The following PAPSS1 variants were observed in gnomAD, a reference collection of about 807,000 sequenced individuals.
PAPSS1 encodes bifunctional 3'-phosphoadenosine 5'-phosphosulfate synthase 1.
A neutral mutation model predicts 72.0 loss-of-function variants in PAPSS1; 50 were observed. The ratio of observed to expected loss-of-function variants is 0.69; its 90% CI spans 0.55 to 0.88. PAPSS1 has a LOEUF of 0.88. PAPSS1 is among the 40% of genes least tolerant of loss of function. PAPSS1 has a pLI of 0.00. For synonymous variants in PAPSS1, 261 were observed against 263.6 expected (o/e 0.99, Z 0.09); for missense variants, 657 against 782.2 (o/e 0.84, Z 1.91).
At chr4:107,656,625 A>G (rs1287641252) in intron 7 of PAPSS1, among the ~76,000 whole-genome samples, 2 of 152,180 alleles carry the variant, frequency 1.3e-5, no homozygotes, top group African/African-American at 4.8e-5. Flanking sequence ...AACAGCACAG[A>G]ATAACTGTAT....
At chr4:107,694,125 G>A in intron 2 of PAPSS1, 119 bp from the exon 3 acceptor site, 1 of 692,256 alleles carries the variant, frequency 1.4e-6, no homozygotes, top group South Asian at 1.9e-5. Context: ...GGAGTGCAGA[G>A]GCTGCATAGC....
chr4:107,655,323 A>G (rs1340993153), intron 7 of PAPSS1, among the ~76,000 whole-genome samples: 1 of 152,194 alleles, frequency 6.6e-6, no homozygotes, highest in Non-Finnish European at 1.5e-5. Context: ...ATCCTTGTTG[A>G]TAACAGGATG....
intron 1 of PAPSS1, among the ~76,000 whole-genome samples, chr4:107,710,244 A>G (rs1325424608): frequency 6.6e-6 from 1 of 152,052 alleles, no homozygotes; most frequent in Admixed American, 6.5e-5. Context: ...TCTGTGCCCT[A>G]GTTTCCATAC....
chr4:107,668,276 T>G (rs1490294827), intron 5 of PAPSS1, among the ~76,000 whole-genome samples: 1 of 152,196 alleles, frequency 6.6e-6, no homozygotes, highest in Non-Finnish European at 1.5e-5. Flanking sequence ...TTATAAATAC[T>G]TCTCAATTTC....
intron 7 of PAPSS1, among the ~76,000 whole-genome samples, chr4:107,656,622 C>G (rs1237601780): frequency 6.6e-6 from 1 of 152,142 alleles, no homozygotes; most frequent in Non-Finnish European, 1.5e-5. Flanking sequence ...AAAAACAGCA[C>G]AGAATAACTG....
At chr4:107,655,105 T>TAAAAAAAAAAAAAAA (rs61591737) in intron 7 of PAPSS1, among the ~76,000 whole-genome samples, 1 of 117,728 alleles carries the variant, frequency 8.5e-6, no homozygotes, top group Non-Finnish European at 1.8e-5. Flanking sequence ...TCTCCCAAGT[T>TAAAAAAAAAAAAAAA]AAAAAAAAAA....
intron 1 of PAPSS1, among the ~76,000 whole-genome samples, chr4:107,703,314 A>G (rs1423600297): frequency 6.6e-6 from 1 of 150,734 alleles, no homozygotes; most frequent in Non-Finnish European, 1.5e-5. Flanking sequence ...TTGTCTCTTC[A>G]CTCTGTTGAT....
At chr4:107,710,387 A>T (rs773907892) in intron 1 of PAPSS1, among the ~76,000 whole-genome samples, 7 of 152,134 alleles carry the variant, frequency 4.6e-5, no homozygotes, top group Non-Finnish European at 8.8e-5. Context: ...TTTACTGCCC[A>T]TATCATTCTT....
At chr4:107,644,529 A>G (rs1174765290) in intron 10 of PAPSS1, among the ~76,000 whole-genome samples, 1 of 152,118 alleles carries the variant, frequency 6.6e-6, no homozygotes, top group Non-Finnish European at 1.5e-5. Context: ...TACCTTCCCA[A>G]CCACACCCAG....
chr4:107,617,207 CTTT>C (rs111248344), intron 11 of PAPSS1, among the ~76,000 whole-genome samples: 10 of 132,754 alleles, frequency 7.5e-5, no homozygotes, highest in Non-Finnish European at 1.5e-4. Flanking sequence ...GAGTCTTCGG[CTTT>C]TTTTTTTTTT....
intron 5 of PAPSS1, among the ~76,000 whole-genome samples, chr4:107,679,767 C>A (rs1428962614): frequency 7.1e-6 from 1 of 141,588 alleles, no homozygotes; most frequent in Non-Finnish European, 1.5e-5. Context: ...CAACTTCCAC[C>A]CCCCCAGATT....
chr4:107,686,259 C>A (rs1474659085), intron 4 of PAPSS1, among the ~76,000 whole-genome samples: 4 of 152,130 alleles, frequency 2.6e-5, no homozygotes, highest in East Asian at 3.8e-4. Flanking sequence ...CCTGTGAACA[C>A]CAAAATGTGA....
At chr4:107,704,106 A>C (rs537294185) in intron 1 of PAPSS1, among the ~76,000 whole-genome samples, 2 of 152,258 alleles carry the variant, frequency 1.3e-5, no homozygotes, top group African/African-American at 4.8e-5. Flanking sequence ...TTCTGGTAGC[A>C]ACTATAAATG....
chr4:107,673,428 A>G (rs1009309373), intron 5 of PAPSS1, among the ~76,000 whole-genome samples: 1 of 152,168 alleles, frequency 6.6e-6, no homozygotes, highest in Admixed American at 6.5e-5. Flanking sequence ...AAGCCTCAGT[A>G]GCCGATTCGA....
rs1011954561 is a variant in PAPSS1 at position 107,644,665 on chromosome 4, C to T, written c.1506+137G>A. 3.8e-6 allele frequency: 3 copies of T among 783,894 alleles called. No individual in the cohort carries two copies. The African/African-American group carries it at 5.3e-5, about 14-fold the overall frequency. 48.6% of individuals were successfully genotyped at this position (783,894 alleles called of 1,614,324 possible). ...GCATCCAGGGAATATCCCTAACGAGCAGGAAAGAATGTCATGTATAACAAA... is the reference window on the plus strand; with the variant it reads ...GCATCCAGGGAATATCCCTAACGAGTAGGAAAGAATGTCATGTATAACAAA... On this transcript the variant is annotated intron_variant, in intron 10 of 11. Coordinates refer to ENST00000265174, the MANE Select transcript of PAPSS1 (RefSeq NM_005443.5).
chr4:107,704,254 G>A (rs1170639590), intron 1 of PAPSS1, among the ~76,000 whole-genome samples: 1 of 152,112 alleles, frequency 6.6e-6, no homozygotes, highest in East Asian at 1.9e-4. Flanking sequence ...AATCTTTAGG[G>A]TTTTCCATAT....
intron 5 of PAPSS1, among the ~76,000 whole-genome samples, chr4:107,669,124 G>A (rs1051594275): frequency 7.2e-5 from 11 of 152,116 alleles, no homozygotes; most frequent in Admixed American, 2.0e-4. Flanking sequence ...TGATAACAAT[G>A]AAGTTAAATG....
At chr4:107,672,542 G>A (rs966174701) in intron 5 of PAPSS1, among the ~76,000 whole-genome samples, 1 of 152,214 alleles carries the variant, frequency 6.6e-6, no homozygotes, top group Non-Finnish European at 1.5e-5. Context: ...CACTGCCAAG[G>A]ATTGAGTAGG....
chr4:107,648,714 T>C (rs2726658), intron 9 of PAPSS1, among the ~76,000 whole-genome samples: 23,348 of 152,208 alleles, frequency 0.15, 3,252 homozygotes, highest in African/African-American at 0.38. Flanking sequence ...TAAATCAATA[T>C]AGCAGCTAAA....
Sources: allele counts gnomAD v4.1 joint callset (sites outside exome capture counted in the v4.1 genomes callset), GRCh38; gene constraint gnomAD v4.1.1; transcripts MANE v1.5; gene names NCBI Gene and HGNC (gene_info 2026-07-23, HGNC 2026-07-21).